ERC1: variants seen among roughly 807,000 people sequenced by gnomAD.
ERC1 encodes ELKS/RAB6-interacting/CAST family member 1.
A neutral mutation model predicts 132.0 loss-of-function variants in ERC1; 56 were observed. That is an observed-to-expected ratio of 0.42 (90% confidence interval 0.34 to 0.53). The LOEUF is 0.53. Among genes scored for constraint, ERC1 ranks in the 20% least tolerant of loss-of-function variants. ERC1 has a pLI of 0.03. For missense variants in ERC1, 1,202 were observed against 1,349.9 expected, an observed-to-expected ratio of 0.89 and a Z score of 1.72; for synonymous variants, 478 against 476.1, an observed-to-expected ratio of 1.00 and a Z score of -0.05.
intron 7 of ERC1, among the ~76,000 whole-genome samples, chr12:1,132,526 T>C (rs1466264802): frequency 6.6e-6 from 1 of 152,188 alleles, no homozygotes; most frequent in Non-Finnish European, 1.5e-5. Context: ...TGTTTCCAGG[T>C]CACTTAACTG....
rs2075300885 is a variant in ERC1, at chr12:1,234,779, G to A, written c.2352-1990G>A. On this transcript the variant is annotated intron_variant, in intron 12 of 18. Transcript: ENST00000360905. ...CACAAAACAGGTACACATGCATATAGAAACTTTGTACACACCAGAAGTGGC... is the reference window on the plus strand; with the variant it reads ...CACAAAACAGGTACACATGCATATAAAAACTTTGTACACACCAGAAGTGGC... 7.2e-5 allele frequency among the ~76,000 whole-genome samples: 11 copies of A among 152,170 alleles called. No homozygotes were observed. In the South Asian group the frequency reaches 2.3e-3, roughly 32 times the overall value.
At chr12:1,253,176 G>A (rs531888278) in intron 13 of ERC1, among the ~76,000 whole-genome samples, 1 of 152,170 alleles carries the variant, frequency 6.6e-6, no homozygotes, top group Non-Finnish European at 1.5e-5. Context: ...GATAATCTTT[G>A]TGAAATCTGA....
At chr12:1,368,101 C>T (rs2086839248) in intron 15 of ERC1, among the ~76,000 whole-genome samples, 1 of 151,896 alleles carries the variant, frequency 6.6e-6, no homozygotes, top group South Asian at 2.1e-4. Context: ...TGTATTACTC[C>T]CTAGGGACTC....
At chr12:1,254,013 G>T (rs1451285468) in intron 13 of ERC1, among the ~76,000 whole-genome samples, 1 of 152,174 alleles carries the variant, frequency 6.6e-6, no homozygotes, top group Non-Finnish European at 1.5e-5. Context: ...TGTGAGTGAA[G>T]TATTCGTATT....
At chr12:1,197,250 G>A (rs1426138949) in intron 12 of ERC1, among the ~76,000 whole-genome samples, 5 of 152,156 alleles carry the variant, frequency 3.3e-5, no homozygotes, top group Admixed American at 1.3e-4. Context: ...CAAAGTGCTG[G>A]GGTTACAGGG....
chr12:1,232,494 C>T (rs886129524), intron 12 of ERC1, among the ~76,000 whole-genome samples: 2 of 152,126 alleles, frequency 1.3e-5, no homozygotes, highest in African/African-American at 4.8e-5. Context: ...GTTTTTAATT[C>T]ACTTTTCTCT....
chr12:1,244,715 C>T (rs374501876), intron 13 of ERC1: 49 of 359,370 alleles, frequency 1.4e-4, no homozygotes, highest in African/African-American at 9.0e-4. Flanking sequence ...TTATTAGAGA[C>T]GGGGTTTCAC....
intron 2 of ERC1, among the ~76,000 whole-genome samples, chr12:1,065,439 A>AT (rs1938932784): frequency 7.9e-6 from 1 of 127,266 alleles, no homozygotes; most frequent in African/African-American, 3.0e-5. Flanking sequence ...TCCTTGTTGA[A>AT]TTTTTCACTG....
chr12:1,396,298 C>A (rs796895948), intron 16 of ERC1, among the ~76,000 whole-genome samples: 5 of 152,194 alleles, frequency 3.3e-5, no homozygotes, highest in African/African-American at 9.6e-5. Context: ...AAAAAGCATT[C>A]AAAATGTTAG....
At chr12:1,404,992 A>G (rs1482514514) in intron 16 of ERC1, among the ~76,000 whole-genome samples, 1 of 150,750 alleles carries the variant, frequency 6.6e-6, no homozygotes, top group Non-Finnish European at 1.5e-5. Flanking sequence ...TACAAAAAAA[A>G]TAGCCAGCGT....
intron 18 of ERC1, among the ~76,000 whole-genome samples, chr12:1,467,187 T>C (rs1357482643): frequency 2.0e-5 from 3 of 152,206 alleles, no homozygotes; most frequent in Non-Finnish European, 1.5e-5. Context: ...TAACATCTTA[T>C]TGCCAACTTA....
chr12:1,363,543 C>CTTTT (rs34769986), intron 15 of ERC1, among the ~76,000 whole-genome samples: 103 of 94,330 alleles, frequency 1.1e-3, no homozygotes, highest in East Asian at 1.9e-3. Flanking sequence ...TATTTCTTTC[C>CTTTT]TTTTTTTTTT....
At chr12:1,265,655 G>A (rs1594655326) in intron 14 of ERC1, among the ~76,000 whole-genome samples, 2 of 152,160 alleles carry the variant, frequency 1.3e-5, no homozygotes, top group Non-Finnish European at 2.9e-5. Context: ...ATAATGACAT[G>A]CATCTGCCAT....
At chr12:1,005,178 G>T (rs78297161) in intron 1 of ERC1, among the ~76,000 whole-genome samples, 4,317 of 151,986 alleles carry the variant, frequency 0.028, 90 homozygotes, top group South Asian at 0.092. Flanking sequence ...TTCACCTGGG[G>T]TTTCACTCTG....
chr12:1,182,304 T>A (rs1444327803), intron 10 of ERC1, among the ~76,000 whole-genome samples: 2 of 152,244 alleles, frequency 1.3e-5, no homozygotes, highest in East Asian at 1.9e-4. Context: ...TTTTACTTAC[T>A]AATATTTTTA....
chr12:1,094,951 G>A (rs1435749882), intron 3 of ERC1, among the ~76,000 whole-genome samples: 3 of 152,020 alleles, frequency 2.0e-5, no homozygotes, highest in Non-Finnish European at 4.4e-5. Context: ...TCTGTGAAGG[G>A]ACTTCCCGAA....
chr12:1,380,832 A>T (rs2088564447), intron 16 of ERC1: 1 of 152,276 alleles, frequency 6.6e-6, no homozygotes, highest in Non-Finnish European at 1.5e-5. Flanking sequence ...AAAGAAGATA[A>T]CAATGGTAGG....
chr12:1,262,900 G>A (rs2154324002), intron 13 of ERC1, 134 bp from the exon 14 acceptor site: 1 of 799,142 alleles, frequency 1.3e-6, no homozygotes, highest in Non-Finnish European at 2.0e-6. Context: ...TGTCCTCTGT[G>A]ACGATATCTT....
intron 7 of ERC1, among the ~76,000 whole-genome samples, chr12:1,139,333 G>T (rs974882702): frequency 6.6e-6 from 1 of 152,076 alleles, no homozygotes; most frequent in Non-Finnish European, 1.5e-5. Flanking sequence ...ATCGACTGTT[G>T]CAGTGTCAGT....
Sources: gnomAD v4.1 joint callset for allele counts (sites outside exome capture counted in the v4.1 genomes callset) on GRCh38, gnomAD v4.1.1 for gene constraint, MANE v1.5 for transcripts, NCBI Gene and HGNC (gene_info 2026-07-23, HGNC 2026-07-21) for gene names.